Variants in WDR64 observed in about 807,000 individuals in gnomAD.
WDR64 encodes WD repeat domain 64.
Under a neutral mutation model 139.3 loss-of-function variants are expected in WDR64, and 112 were observed. The observed-to-expected ratio is 0.80, with a 90% CI of 0.69 to 0.94. The LOEUF is 0.94. Among genes scored for constraint, WDR64 ranks in the 40% least tolerant of loss-of-function variants. The pLI is 0.00. For missense variants in WDR64, 1,206 were observed against 1,293.1 expected (o/e 0.93, Z 1.03); for synonymous variants, 444 against 437.7 (o/e 1.01, Z -0.18).
chr1:241,721,827 C>G (rs756618446), intron 9 of WDR64, among the ~76,000 whole-genome samples: 2 of 152,040 alleles, frequency 1.3e-5, no homozygotes, highest in African/African-American at 2.4e-5. Context: ...TTAAGTAATG[C>G]TGGCTACTGT....
In WDR64 at chr1:241,660,677, T is replaced by C. The variant is rs1665796486; in HGVS notation, c.276+17T>C. 5 of 1,544,268 alleles carry C rather than the reference T, an allele frequency of 3.2e-6. No individual in the cohort carries two copies. The highest frequency in any genetic ancestry group is 1.7e-4 in the Middle Eastern group (1 of 5,954). ...TGGTGTGAGGTAGACTCATTTCATG[T>C]TCATAATATGAAATCCAGGTATTAT... is the stretch of plus-strand genomic sequence containing the variant. On this transcript the variant is annotated intron_variant, in intron 2 of 27. Transcript: ENST00000437684.
chr1:241,775,044 T>A, intron 20 of WDR64, 61 bp from the exon 21 acceptor site: 2 of 1,308,220 alleles, frequency 1.5e-6, no homozygotes, highest in Non-Finnish European at 2.1e-6. Flanking sequence ...AATTTCAATA[T>A]TAAGATTTTA....
At chr1:241,713,354 A>G (rs1574033729) in intron 9 of WDR64, among the ~76,000 whole-genome samples, 1 of 102,486 alleles carries the variant, frequency 9.8e-6, no homozygotes, top group Non-Finnish European at 1.9e-5. Context: ...GGAGGGAGGG[A>G]GGGACAGAGG....
chr1:241,720,782 G>C (rs925755075), intron 9 of WDR64, among the ~76,000 whole-genome samples: 2 of 152,114 alleles, frequency 1.3e-5, no homozygotes. Flanking sequence ...TTCTTTTGCT[G>C]TGCAGAAGCT....
intron 15 of WDR64, among the ~76,000 whole-genome samples, chr1:241,758,341 A>G (rs987507691): frequency 2.0e-5 from 3 of 147,106 alleles, no homozygotes; most frequent in African/African-American, 5.0e-5. Context: ...CTCAGCAGCC[A>G]TTGATGATCA....
intron 24 of WDR64, among the ~76,000 whole-genome samples, chr1:241,788,594 G>A (rs777629673): frequency 2.0e-5 from 3 of 152,174 alleles, no homozygotes; most frequent in Non-Finnish European, 4.4e-5. Flanking sequence ...GATATCAAAA[G>A]TAAAGTCCTT....
chr1:241,701,105 C>T (rs1667693356), intron 8 of WDR64, among the ~76,000 whole-genome samples: 1 of 152,188 alleles, frequency 6.6e-6, no homozygotes, highest in South Asian at 2.1e-4. Flanking sequence ...TGGACATCGT[C>T]TTCTTTTTGA....
intron 11 of WDR64, among the ~76,000 whole-genome samples, chr1:241,740,699 G>A (rs569362856): frequency 1.1e-4 from 16 of 149,798 alleles, no homozygotes; most frequent in East Asian, 3.9e-4. Flanking sequence ...AAGGAGTCTC[G>A]CTCTGTCGCC....
intron 15 of WDR64, among the ~76,000 whole-genome samples, chr1:241,760,927 G>A (rs1227093696): frequency 4.6e-5 from 7 of 151,788 alleles, no homozygotes; most frequent in African/African-American, 1.2e-4. Context: ...CACCACGCCC[G>A]GCTAGTTTCC....
chr1:241,752,159 C>T (rs142668216), intron 14 of WDR64, among the ~76,000 whole-genome samples: 1 of 152,226 alleles, frequency 6.6e-6, no homozygotes, highest in Non-Finnish European at 1.5e-5. Context: ...AAGCAATTAA[C>T]ATAATAATGC....
chr1:241,755,347 T>G (rs1276526500), intron 14 of WDR64, among the ~76,000 whole-genome samples: 1 of 152,240 alleles, frequency 6.6e-6, no homozygotes, highest in Non-Finnish European at 1.5e-5. Context: ...TTCATGTTTG[T>G]TGGCTGCATA....
intron 8 of WDR64, 104 bp downstream of exon 8, chr1:241,687,699 T>C (rs1312533372): frequency 1.7e-6 from 2 of 1,196,908 alleles, no homozygotes; most frequent in African/African-American, 3.1e-5. Context: ...TTTAAAAAAA[T>C]CGGACATTAA....
At chr1:241,764,104 G>A (rs2148288610) in intron 15 of WDR64, among the ~76,000 whole-genome samples, 1 of 152,256 alleles carries the variant, frequency 6.6e-6, no homozygotes, top group African/African-American at 2.4e-5. Flanking sequence ...ATCTCAGTGT[G>A]GCTGGAGTAA....
chr1:241,781,181 C>A (rs1219607883), intron 22 of WDR64, among the ~76,000 whole-genome samples: 1 of 152,150 alleles, frequency 6.6e-6, no homozygotes, highest in Non-Finnish European at 1.5e-5. Flanking sequence ...CAACTGAGAT[C>A]TTTCAAACTT....
chr1:241,655,113 G>T (rs1024633086), intron 1 of WDR64, among the ~76,000 whole-genome samples: 1 of 152,134 alleles, frequency 6.6e-6, no homozygotes, highest in South Asian at 2.1e-4. Flanking sequence ...GGCCAGGCGC[G>T]GTGGCTCACG....
At position 241,796,460 on chromosome 1, in the gene WDR64, A is replaced by G. The variant is rs56703161; in HGVS notation, c.3192+90A>G. ...TAAAAATATGTCTCTGCTTTCAGAA[A>G]CATTCTGAACCTAAAATCATTTCAG... On this transcript the variant is annotated intron_variant, in intron 27 of 27. Coordinates refer to ENST00000437684, the MANE Select transcript of WDR64 (RefSeq NM_001367482.1). 0.011 allele frequency: 9,731 copies of G among 856,798 alleles called. 655 individuals are homozygous for G. In the African/African-American group the frequency reaches 0.15, roughly 13 times the overall value. The allele number at this position is 856,798 out of a possible 1,614,324, so 53.1% of individuals were successfully genotyped here.
chr1:241,732,069 T>C (rs1669102555), intron 10 of WDR64, among the ~76,000 whole-genome samples: 1 of 152,204 alleles, frequency 6.6e-6, no homozygotes, highest in Non-Finnish European at 1.5e-5. Context: ...TGAGTGACCC[T>C]GATTTGATTT....
rs1246931467 is a variant in WDR64 at position 241,679,459 on chromosome 1, C to T, written c.514-26C>T. On this transcript the variant is annotated intron_variant, in intron 5 of 27. Coordinates refer to ENST00000437684, the MANE Select transcript of WDR64 (RefSeq NM_001367482.1). ...GGTCATTGAAGGAAATGCATTATAT[C>T]CCCCAATTCTCTGCTTTTCTATCAG... The T allele has an allele frequency of 2.0e-6, 3 of 1,533,930 alleles. No homozygotes were observed. The African/African-American group carries it at 4.1e-5, about 21-fold the overall frequency.
chr1:241,747,708 A>C (rs915998131), intron 13 of WDR64, among the ~76,000 whole-genome samples: 1 of 152,188 alleles, frequency 6.6e-6, no homozygotes, highest in Non-Finnish European at 1.5e-5. Context: ...ATGAAATCAG[A>C]ACTTTTCTTG....
Sources: allele counts gnomAD v4.1 joint callset (sites outside exome capture counted in the v4.1 genomes callset), GRCh38; gene constraint gnomAD v4.1.1; transcripts MANE v1.5; gene names NCBI Gene and HGNC (gene_info 2026-07-23, HGNC 2026-07-21).